The following R3HDM2 variants were observed in gnomAD, a reference collection of about 807,000 sequenced individuals.
R3HDM2 encodes the protein R3H domain-containing protein 2.
In R3HDM2, 38 loss-of-function variants were observed where a neutral mutation model predicts 124.5. The observed-to-expected ratio is 0.31, with a 90% confidence interval of 0.24 to 0.40. R3HDM2 has a LOEUF of 0.40. R3HDM2 is among the 10% of genes least tolerant of loss of function. R3HDM2 has a pLI of 1.00. For synonymous variants in R3HDM2, 391 were observed against 448.0 expected (o/e 0.87, Z 1.61); for missense variants, 869 against 1,236.9 (o/e 0.70, Z 4.46).
intron 22 of R3HDM2, 61 bp downstream of exon 22, chr12:57,256,352 CA>C: frequency 7.3e-7 from 1 of 1,366,970 alleles, no homozygotes; most frequent in Non-Finnish European, 1.0e-6. Context: ...GAAGCTCAGA[CA>C]CAGGCACCCA....
At chr12:57,269,139 T>C in intron 16 of R3HDM2, 57 bp from the exon 17 acceptor site, 2 of 1,590,946 alleles carry the variant, frequency 1.3e-6, no homozygotes, top group East Asian at 2.2e-5. Context: ...GGTCACACTC[T>C]ATCTGTAATT....
intron 1 of R3HDM2, among the ~76,000 whole-genome samples, chr12:57,404,637 T>A (rs964944639): frequency 1.4e-4 from 22 of 151,996 alleles, no homozygotes; most frequent in African/African-American, 5.1e-4. Flanking sequence ...GAGGTGGAGG[T>A]TGCAGTGAGC....
intron 2 of R3HDM2, among the ~76,000 whole-genome samples, chr12:57,314,306 C>T (rs975918766): frequency 6.6e-6 from 1 of 151,888 alleles, no homozygotes; most frequent in African/African-American, 2.4e-5. Context: ...ATGGAGAAAC[C>T]CCATCTCTAC....
chr12:57,355,741 A>G (rs2137384072), intron 2 of R3HDM2, among the ~76,000 whole-genome samples: 1 of 152,292 alleles, frequency 6.6e-6, no homozygotes, highest in South Asian at 2.1e-4. Context: ...CATGGGAAGA[A>G]TTTAAAAATA....
chr12:57,361,523 A>ATT (rs2061968725), intron 2 of R3HDM2, among the ~76,000 whole-genome samples: 1 of 151,972 alleles, frequency 6.6e-6, no homozygotes, highest in African/African-American at 2.4e-5. Flanking sequence ...CTGTCACTAC[A>ATT]AAAATTAAAA....
intron 1 of R3HDM2, among the ~76,000 whole-genome samples, chr12:57,422,645 G>A (rs1284176744): frequency 6.6e-6 from 1 of 152,096 alleles, no homozygotes; most frequent in African/African-American, 2.4e-5. Flanking sequence ...ACGAGAGATA[G>A]GGAGAATACA....
chr12:57,286,031 TG>T (rs2047255301), intron 12 of R3HDM2, among the ~76,000 whole-genome samples: 1 of 152,168 alleles, frequency 6.6e-6, no homozygotes. Flanking sequence ...AGTTGAGTCT[TG>T]GCAGGAAAAA....
At chr12:57,407,125 G>A (rs1037387951) in intron 1 of R3HDM2, among the ~76,000 whole-genome samples, 1 of 151,626 alleles carries the variant, frequency 6.6e-6, no homozygotes, top group Non-Finnish European at 1.5e-5. Flanking sequence ...TGATGGGCAC[G>A]TGTAATCCCA....
chr12:57,259,309 G>A (rs866004397), intron 19 of R3HDM2, among the ~76,000 whole-genome samples: 1 of 152,196 alleles, frequency 6.6e-6, no homozygotes, highest in Non-Finnish European at 1.5e-5. Flanking sequence ...CTGGTGAGGG[G>A]TACTTTGGTA....
intron 2 of R3HDM2, among the ~76,000 whole-genome samples, chr12:57,312,963 G>C (rs1421711003): frequency 6.8e-6 from 1 of 146,054 alleles, no homozygotes; most frequent in African/African-American, 2.5e-5. Flanking sequence ...TCATATAGTT[G>C]AATTTAAAGA....
intron 1 of R3HDM2, chr12:57,418,167 G>A: frequency 3.0e-6 from 3 of 985,306 alleles, no homozygotes; most frequent in Non-Finnish European, 3.6e-6. Flanking sequence ...ACACCACCCA[G>A]TTTGCCCAAG....
intron 2 of R3HDM2, among the ~76,000 whole-genome samples, chr12:57,385,395 A>C (rs2065576413): frequency 6.6e-6 from 1 of 150,952 alleles, no homozygotes. Context: ...GGCGCCTGCC[A>C]CCACGCCCAG....
intron 19 of R3HDM2, among the ~76,000 whole-genome samples, chr12:57,260,434 ACT>A (rs1213419885): frequency 1.3e-5 from 2 of 151,716 alleles, no homozygotes; most frequent in Non-Finnish European, 2.9e-5. Context: ...CCATGGATAG[ACT>A]CATCCTCCCA....
intron 14 of R3HDM2, among the ~76,000 whole-genome samples, chr12:57,271,930 T>A (rs2043679193): frequency 6.6e-6 from 1 of 151,820 alleles, no homozygotes; most frequent in Non-Finnish European, 1.5e-5. Flanking sequence ...CTTGCTCTGT[T>A]GTCCAGGCTG....
At chr12:57,256,541 G>C in intron 21 of R3HDM2, 30 bp from the exon 22 acceptor site, 1 of 1,485,524 alleles carries the variant, frequency 6.7e-7, no homozygotes, top group South Asian at 1.2e-5. Context: ...GGTTTTCTGG[G>C]AGCTTAAGCT....
intron 10 of R3HDM2, 148 bp from the exon 11 acceptor site, chr12:57,292,815 G>A: frequency 4.8e-6 from 3 of 630,282 alleles, no homozygotes; most frequent in Non-Finnish European, 8.3e-6. Context: ...TCCTGGAGAA[G>A]TTTCACTGGG....
chr12:57,385,152 T>TCAAA (rs999086802), intron 2 of R3HDM2, among the ~76,000 whole-genome samples: 2 of 150,422 alleles, frequency 1.3e-5, no homozygotes, highest in Non-Finnish European at 3.0e-5. Context: ...AGACTCCATC[T>TCAAA]CAAACAAACA....
chr12:57,404,021 T>TA (rs1360261955), intron 1 of R3HDM2, among the ~76,000 whole-genome samples: 16 of 143,914 alleles, frequency 1.1e-4, no homozygotes, highest in East Asian at 4.2e-4. Flanking sequence ...GCACATATAC[T>TA]AAAAAAAAAT....
At position 57,284,034 on chromosome 12, in the gene R3HDM2, G is replaced by C; in HGVS notation, c.961C>G (p.Arg321Gly). Reference sequence around the variant, plus strand: ...CTGCTCTGGCGGCTGCTTGAGGTGCGGCTCAGTCCTTCACGGTTCCCCCTG... The same window carrying C: ...CTGCTCTGGCGGCTGCTTGAGGTGCCGCTCAGTCCTTCACGGTTCCCCCTG... Reference protein sequence around the residue: ...DIRGNREGLSRTSSSRQSSTD... With the variant: ...DIRGNREGLSGTSSSRQSSTD... The change falls in exon 13 of 24, where the codon CGC becomes GGC. Residue 321 changes from arginine to glycine, a missense_variant. Around this residue, in one of 2 missense-constraint regions of R3HDM2, gnomAD observed 267 missense variants for 447.7 expected, o/e 0.60. Coordinates refer to ENST00000402412, the MANE Select transcript of R3HDM2 (RefSeq NM_001394031.1). The C allele has an allele frequency of 6.2e-7, 1 of 1,607,504 alleles. No homozygotes were observed. Among genetic ancestry groups the C allele is most frequent in the African/African-American group, 1.3e-5 (1 of 74,864 alleles).
Sources: allele counts gnomAD v4.1 joint callset (sites outside exome capture counted in the v4.1 genomes callset), GRCh38; gene constraint gnomAD v4.1.1; regional missense constraint gnomAD v4.1.1; transcripts MANE v1.5; gene names NCBI Gene and HGNC (gene_info 2026-07-23, HGNC 2026-07-21).